The following MACROD2 variants were observed in gnomAD, a reference collection of about 807,000 sequenced individuals.
The protein encoded by MACROD2 is ADP-ribose glycohydrolase MACROD2.
Under a neutral mutation model 70.4 loss-of-function variants are expected in MACROD2, and 36 were observed. That is an observed-to-expected ratio of 0.51 (90% confidence interval 0.39 to 0.68). The LOEUF is 0.68. MACROD2 is among the 30% of genes least tolerant of loss of function. The pLI is 0.00. For missense variants in MACROD2, 496 were observed against 538.4 expected (o/e 0.92, Z 0.78); for synonymous variants, 172 against 178.8 (o/e 0.96, Z 0.30).
At chr20:14,766,186 G>A (rs1483338298) in intron 5 of MACROD2, among the ~76,000 whole-genome samples, 5 of 152,018 alleles carry the variant, frequency 3.3e-5, no homozygotes, top group Non-Finnish European at 7.4e-5. Context: ...TTATTCTCAC[G>A]GGTAGTCGGC....
intron 6 of MACROD2, among the ~76,000 whole-genome samples, chr20:15,267,881 A>T (rs1044813098): frequency 2.0e-5 from 3 of 152,120 alleles, no homozygotes; most frequent in African/African-American, 7.2e-5. Flanking sequence ...TGTGAACAGG[A>T]ATCTTTCTCG....
At chr20:14,264,514 G>C (rs1470386917) in intron 3 of MACROD2, among the ~76,000 whole-genome samples, 1 of 152,180 alleles carries the variant, frequency 6.6e-6, no homozygotes, top group South Asian at 2.1e-4. Context: ...ACCAAGTCAG[G>C]TGTCCAAATC....
chr20:14,963,036 G>A (rs753911952), intron 5 of MACROD2, among the ~76,000 whole-genome samples: 40 of 152,206 alleles, frequency 2.6e-4, no homozygotes, highest in Middle Eastern at 3.4e-3. Context: ...TTAGGACTCC[G>A]ATAACTATTA....
chr20:15,535,509 C>A (rs561268939), intron 8 of MACROD2, among the ~76,000 whole-genome samples: 1 of 152,164 alleles, frequency 6.6e-6, no homozygotes, highest in East Asian at 1.9e-4. Flanking sequence ...TGGGAACTAC[C>A]GTTTTACACT....
At chr20:15,754,665 A>G (rs981380310) in intron 8 of MACROD2, among the ~76,000 whole-genome samples, 11 of 149,580 alleles carry the variant, frequency 7.4e-5, no homozygotes, top group African/African-American at 2.7e-4. Context: ...TAACTTGGTT[A>G]GAAAGAATCT....
intron 5 of MACROD2, among the ~76,000 whole-genome samples, chr20:14,907,348 G>GCTTCAATAAAAGTTGCAGTCTAA (rs1234124354): frequency 6.6e-6 from 1 of 152,162 alleles, no homozygotes; most frequent in Non-Finnish European, 1.5e-5. Flanking sequence ...GTACATTGCT[G>GCTTCAATAAAAGTTGCAGTCTAA]CTTCAATAAA....
chr20:14,771,458 G>T (rs1267233125), intron 5 of MACROD2, among the ~76,000 whole-genome samples: 1 of 151,642 alleles, frequency 6.6e-6, no homozygotes, highest in Non-Finnish European at 1.5e-5. Flanking sequence ...AACACCCAAA[G>T]AATTTTATTT....
At chr20:14,264,967 A>G (rs2082132130) in intron 3 of MACROD2, among the ~76,000 whole-genome samples, 2 of 152,234 alleles carry the variant, frequency 1.3e-5, no homozygotes, top group Admixed American at 1.3e-4. Flanking sequence ...GCTGGCTTCA[A>G]AATTCCTGGT....
intron 6 of MACROD2, among the ~76,000 whole-genome samples, chr20:15,238,268 T>C (rs999792219): frequency 6.6e-6 from 1 of 152,170 alleles, no homozygotes; most frequent in Non-Finnish European, 1.5e-5. Flanking sequence ...ATAAAAATGG[T>C]AATTGATGTG....
intron 5 of MACROD2, among the ~76,000 whole-genome samples, chr20:15,079,555 G>A (rs2123129400): frequency 1.3e-5 from 2 of 152,028 alleles, no homozygotes; most frequent in Middle Eastern, 6.8e-3. Flanking sequence ...CTCCACACTT[G>A]AGCCTACTAT....
intron 5 of MACROD2, among the ~76,000 whole-genome samples, chr20:14,862,233 A>G (rs1472374195): frequency 2.4e-5 from 1 of 42,096 alleles, no homozygotes; most frequent in African/African-American, 9.1e-5. Flanking sequence ...ATATATATAA[A>G]TATATATTTA....
At chr20:15,075,263 G>A (rs1452446538) in intron 5 of MACROD2, among the ~76,000 whole-genome samples, 1 of 151,272 alleles carries the variant, frequency 6.6e-6, no homozygotes, top group Non-Finnish European at 1.5e-5. Flanking sequence ...TACTTTGATG[G>A]GCATTTAATT....
intron 3 of MACROD2, among the ~76,000 whole-genome samples, chr20:14,383,638 C>T (rs2083444405): frequency 6.6e-6 from 1 of 152,094 alleles, no homozygotes; most frequent in African/African-American, 2.4e-5. Flanking sequence ...TTTATCATAA[C>T]AGTGCATTTA....
chr20:15,594,029 G>A (rs1373063268), intron 8 of MACROD2, among the ~76,000 whole-genome samples: 1 of 152,120 alleles, frequency 6.6e-6, no homozygotes, highest in Admixed American at 6.6e-5. Flanking sequence ...ATATCTATCT[G>A]TGTGTTCTTC....
chr20:14,011,592 G>A (rs2052907871), intron 2 of MACROD2, among the ~76,000 whole-genome samples: 1 of 151,420 alleles, frequency 6.6e-6, no homozygotes, highest in Admixed American at 6.6e-5. Flanking sequence ...GCAGTGGCCC[G>A]ATCTCGGCTC....
rs186384821 is a variant in MACROD2 at position 14,069,264 on chromosome 20, A to G, written c.164-16357A>G. ...GCCTGGCCGTTAAAGTTCATTTTAA[A>G]TTTTTATTTTAAATTTTAGTATTTA... is the stretch of plus-strand genomic sequence containing the variant. On this transcript the variant is annotated intron_variant, in intron 2 of 17. Transcript: ENST00000684519. Among the ~76,000 whole-genome samples the G allele has an allele frequency of 2.0e-5, 3 of 152,282 alleles. No individual in the cohort carries two copies. The East Asian group carries it at 5.8e-4, about 29-fold the overall frequency.
intron 3 of MACROD2, among the ~76,000 whole-genome samples, chr20:14,121,310 G>A (rs2054585954): frequency 6.6e-6 from 1 of 152,144 alleles, no homozygotes; most frequent in Non-Finnish European, 1.5e-5. Flanking sequence ...CTAGAGAGAG[G>A]AAATAACGTA....
chr20:14,284,203 A>G (rs2082327399), intron 3 of MACROD2, among the ~76,000 whole-genome samples: 1 of 152,230 alleles, frequency 6.6e-6, no homozygotes, highest in Non-Finnish European at 1.5e-5. Flanking sequence ...TAGGTAATGC[A>G]CTGTGCTTTC....
intron 5 of MACROD2, among the ~76,000 whole-genome samples, chr20:15,176,316 C>T (rs1294251968): frequency 6.6e-6 from 1 of 152,200 alleles, no homozygotes; most frequent in Non-Finnish European, 1.5e-5. Context: ...CTGGTGAAAT[C>T]CCACCTTCAA....
Sources: allele counts gnomAD v4.1 joint callset (sites outside exome capture counted in the v4.1 genomes callset), GRCh38; gene constraint gnomAD v4.1.1; transcripts MANE v1.5; gene names NCBI Gene and HGNC (gene_info 2026-07-23, HGNC 2026-07-21).